Variants in COG5 observed in about 807,000 individuals in gnomAD.
COG5 encodes component of oligomeric golgi complex 5.
In COG5, 86 loss-of-function variants were observed where a neutral mutation model predicts 110.4. The ratio of observed to expected loss-of-function variants is 0.78; its 90% CI spans 0.65 to 0.93. The LOEUF (loss-of-function observed/expected upper bound fraction) is 0.93, where lower values mean the gene tolerates loss of function less well. COG5 is among the 40% of genes least tolerant of loss of function. The pLI is 0.00. For synonymous variants in COG5, 360 were observed against 334.6 expected (o/e 1.08, Z -0.83); for missense variants, 1,077 against 987.0 (o/e 1.09, Z -1.22).
intron 5 of COG5, among the ~76,000 whole-genome samples, chr7:107,539,047 GA>G: frequency 6.6e-6 from 1 of 152,260 alleles, no homozygotes; most frequent in South Asian, 2.1e-4. Context: ...GGAGGCTGAG[GA>G]AGATGGATCA....
At chr7:107,343,737 T>C (rs749727068) in intron 10 of COG5, among the ~76,000 whole-genome samples, 3 of 152,106 alleles carry the variant, frequency 2.0e-5, no homozygotes, top group Non-Finnish European at 4.4e-5. Context: ...GTCAAAATTA[T>C]TTCTTAATCA....
At chr7:107,262,658 T>C (rs775548562) in intron 14 of COG5, among the ~76,000 whole-genome samples, 3 of 152,144 alleles carry the variant, frequency 2.0e-5, no homozygotes, top group Non-Finnish European at 2.9e-5. Flanking sequence ...TTCATGCTCC[T>C]AAGCCCCTAG....
chr7:107,527,462 A>G, intron 5 of COG5, 105 bp from the exon 6 acceptor site: 1 of 1,240,364 alleles, frequency 8.1e-7, no homozygotes, highest in Non-Finnish European at 1.2e-6. Flanking sequence ...GCAAACCACC[A>G]TGGCACATGT....
At chr7:107,290,893 C>A (rs1400167674) in intron 12 of COG5, among the ~76,000 whole-genome samples, 1 of 152,130 alleles carries the variant, frequency 6.6e-6, no homozygotes, top group Admixed American at 6.5e-5. Context: ...TGGCCTCAAG[C>A]GATCCTCCTG....
At chr7:107,250,435 T>C (rs1802414433) in intron 16 of COG5, among the ~76,000 whole-genome samples, 2 of 148,564 alleles carry the variant, frequency 1.3e-5, no homozygotes, top group Non-Finnish European at 3.0e-5. Flanking sequence ...AACATGCTTA[T>C]AAAAAAAGGT....
chr7:107,291,852 GA>G (rs931567531), intron 12 of COG5, among the ~76,000 whole-genome samples: 2 of 152,128 alleles, frequency 1.3e-5, no homozygotes, highest in Non-Finnish European at 2.9e-5. Context: ...ATCTTCACTA[GA>G]ACTACAAGTC....
chr7:107,467,443 G>A (rs1267437636), intron 6 of COG5, among the ~76,000 whole-genome samples: 2 of 152,046 alleles, frequency 1.3e-5, no homozygotes, highest in Admixed American at 1.3e-4. Flanking sequence ...TGCAATCTCT[G>A]CCACCCAGGT....
intron 1 of COG5, 103 bp from the exon 2 acceptor site, chr7:107,558,218 A>G: frequency 8.1e-7 from 1 of 1,239,080 alleles, no homozygotes; most frequent in South Asian, 1.3e-5. Context: ...TTTTGATCCC[A>G]TACTCTGAAC....
chr7:107,315,002 T>G (rs1808603432), intron 11 of COG5, among the ~76,000 whole-genome samples: 1 of 152,190 alleles, frequency 6.6e-6, no homozygotes, highest in African/African-American at 2.4e-5. Flanking sequence ...TCATTAGAAC[T>G]ATGTAACAAA....
chr7:107,287,441 A>G (rs916330877), intron 12 of COG5, among the ~76,000 whole-genome samples: 2 of 152,166 alleles, frequency 1.3e-5, no homozygotes, highest in African/African-American at 4.8e-5. Context: ...GCTTTGACAC[A>G]AGTGACTCCA....
chr7:107,280,990 T>C (rs1805119678), intron 14 of COG5, among the ~76,000 whole-genome samples: 2 of 151,796 alleles, frequency 1.3e-5, no homozygotes, highest in East Asian at 1.9e-4. Context: ...TTATAATTTA[T>C]GTAAATTACT....
At chr7:107,352,241 T>C (rs1020950673) in intron 10 of COG5, among the ~76,000 whole-genome samples, 1 of 132,204 alleles carries the variant, frequency 7.6e-6, no homozygotes, top group Non-Finnish European at 1.5e-5. Context: ...TTCTCACTCA[T>C]AGGTGGGAAG....
At position 107,256,755 on chromosome 7, in the gene COG5, G is replaced by C. The variant is rs756692626; in HGVS notation, c.1726C>G (p.Gln576Glu). Reference protein sequence around the residue: ...SQSSFPLAAEQTIISALKAIH... With the variant: ...SQSSFPLAAEETIISALKAIH... Reference sequence around the variant, plus strand: ...ACCTTTAGAGCTGAAATTATAGTTTGCTCAGCTGCCAGTGGGAATGAGCTC... The same window carrying C: ...ACCTTTAGAGCTGAAATTATAGTTTCCTCAGCTGCCAGTGGGAATGAGCTC... Residue 576 changes from glutamine to glutamate, a missense_variant, in exon 16 of 22, where the codon CAA becomes GAA. Gln to Glu is a conservative substitution (Grantham distance 29). Coordinates refer to ENST00000297135, the MANE Select transcript of COG5 (RefSeq NM_006348.5). 1 of 1,610,142 alleles carries C rather than the reference G, an allele frequency of 6.2e-7. No individual in the cohort carries two copies. The highest frequency in any genetic ancestry group is 8.5e-7 in the Non-Finnish European group (1 of 1,177,228).
chr7:107,220,973 A>G (rs528942185), intron 19 of COG5, among the ~76,000 whole-genome samples: 1 of 151,648 alleles, frequency 6.6e-6, no homozygotes, highest in Non-Finnish European at 1.5e-5. Context: ...CTGCCATCAC[A>G]CCCAGCTAAT....
intron 7 of COG5, among the ~76,000 whole-genome samples, chr7:107,386,337 C>T (rs368713271): frequency 6.6e-6 from 1 of 152,020 alleles, no homozygotes; most frequent in Non-Finnish European, 1.5e-5. Context: ...AGTCTGTAAG[C>T]GGCCTGGACC....
Position 107,541,573 on chromosome 7 carries a change from T to C in COG5, c.417+6538A>G, listed in dbSNP as rs142894012. 3.9e-3 allele frequency among the ~76,000 whole-genome samples: 541 copies of C among 137,960 alleles called. 13 individuals carry two copies. Among genetic ancestry groups the C allele is most frequent in the Admixed American group, 0.03 (397 of 13,080 alleles). The allele number at this position is 137,960 out of a possible 152,430, so 90.5% of individuals were successfully genotyped here. A position where few individuals can be genotyped will look rare whatever the true frequency, so the allele number is the denominator to read the frequency against. ...TTATGCGTGTGTGTATTTATATAAA[T>C]GAAATTGAAATATAAATGTCATAAC... On this transcript the variant is annotated intron_variant, in intron 5 of 21. Coordinates refer to ENST00000297135, the MANE Select transcript of COG5 (RefSeq NM_006348.5).
At chr7:107,313,717 C>T (rs1808480220) in intron 11 of COG5, among the ~76,000 whole-genome samples, 1 of 152,098 alleles carries the variant, frequency 6.6e-6, no homozygotes, top group Admixed American at 6.6e-5. Flanking sequence ...TCCTGCTTTC[C>T]TCTTACTCTT....
At chr7:107,351,751 C>G (rs1025078338) in intron 10 of COG5, among the ~76,000 whole-genome samples, 3 of 151,506 alleles carry the variant, frequency 2.0e-5, no homozygotes, top group Admixed American at 2.0e-4. Context: ...CAAATCAAAA[C>G]CACAATGAGA....
intron 6 of COG5, among the ~76,000 whole-genome samples, chr7:107,481,910 A>G (rs1222745811): frequency 6.6e-6 from 1 of 152,168 alleles, no homozygotes; most frequent in East Asian, 1.9e-4. Context: ...TGCCTCCCAA[A>G]AAAGTACCTG....
Sources: allele counts gnomAD v4.1 joint callset (sites outside exome capture counted in the v4.1 genomes callset), GRCh38; gene constraint gnomAD v4.1.1; transcripts MANE v1.5; gene names NCBI Gene and HGNC (gene_info 2026-07-23, HGNC 2026-07-21).